CHRM5: variants seen among roughly 807,000 people sequenced by gnomAD.
CHRM5 encodes the protein cholinergic receptor muscarinic 5.
A neutral mutation model predicts 39.0 loss-of-function variants in CHRM5; 18 were observed. The observed-to-expected ratio is 0.46, with a 90% CI of 0.32 to 0.68. The LOEUF is 0.68. CHRM5 is among the 30% of genes least tolerant of loss of function. CHRM5 has a pLI of 0.04. For synonymous variants in CHRM5, 241 were observed against 246.3 expected, an observed-to-expected ratio of 0.98 and a Z score of 0.20; for missense variants, 515 against 651.1, an observed-to-expected ratio of 0.79 and a Z score of 2.28.
intron 1 of CHRM5, among the ~76,000 whole-genome samples, chr15:33,975,376 C>G (rs140819326): frequency 6.6e-6 from 1 of 152,328 alleles, no homozygotes; most frequent in Non-Finnish European, 1.5e-5. Context: ...AACAGTGCTA[C>G]TTAGCTATGC....
chr15:34,004,081 C>A (rs894287232), intron 1 of CHRM5, among the ~76,000 whole-genome samples: 12 of 152,026 alleles, frequency 7.9e-5, no homozygotes, highest in African/African-American at 2.9e-4. Context: ...GTTCAGGTAG[C>A]GTCTGTGTGA....
At chr15:34,047,614 T>TA (rs1392539250) in intron 2 of CHRM5, among the ~76,000 whole-genome samples, 1 of 151,416 alleles carries the variant, frequency 6.6e-6, no homozygotes, top group African/African-American at 2.4e-5. Context: ...GGATGACTGT[T>TA]ACCTCTGTGG....
At chr15:34,047,164 G>A (rs1276329476) in intron 2 of CHRM5, among the ~76,000 whole-genome samples, 2 of 150,704 alleles carry the variant, frequency 1.3e-5, no homozygotes, top group African/African-American at 2.5e-5. Flanking sequence ...TGCAAGCTCC[G>A]CCTCCCGGGT....
At chr15:33,986,608 C>A (rs1896481506) in intron 1 of CHRM5, among the ~76,000 whole-genome samples, 1 of 152,000 alleles carries the variant, frequency 6.6e-6, no homozygotes, top group South Asian at 2.1e-4. Flanking sequence ...CCTTCATGTG[C>A]AATACACAGG....
rs1249831237 is a variant in CHRM5, at chr15:34,066,212, GC to G, written c.*1897del. 1 of 152,256 alleles carries G rather than the reference GC, an allele frequency of 6.6e-6. No homozygotes were observed. Among genetic ancestry groups the G allele is most frequent in the Non-Finnish European group, 1.5e-5 (1 of 68,046 alleles). 9.4% of individuals were successfully genotyped at this position (152,256 alleles called of 1,614,324 possible). ...ATTGGCTCAGTTCTCCAGCACAGAG[GC>G]TTTCGGGCCTCCGTGATGCCAACTG... On this transcript the variant is annotated 3_prime_UTR_variant, in exon 3 of 3. Transcript: ENST00000383263.
rs576506369 is a variant in CHRM5 at position 34,045,180 on chromosome 15, C to T, written c.-407-1360C>T. Among the ~76,000 whole-genome samples the T allele has an allele frequency of 3.3e-5, 5 of 152,308 alleles. No individual in the cohort carries two copies. In the South Asian group the frequency reaches 1.0e-3, roughly 32 times the overall value. On this transcript the variant is annotated intron_variant, in intron 1 of 2. Transcript: ENST00000383263. The stretch of plus-strand genomic sequence containing the variant: ...TTTTTCTTAGAGCTATAAAGATGAA[C>T]TCTTTCAGTTCAAGGACTATCGTAT...
intron 2 of CHRM5, among the ~76,000 whole-genome samples, chr15:34,048,700 GCAGC>G (rs1475183406): frequency 2.0e-5 from 3 of 152,146 alleles, no homozygotes; most frequent in Non-Finnish European, 4.4e-5. Flanking sequence ...CTACCAAAAA[GCAGC>G]CAGACTGCTT....
At chr15:34,051,411 C>T (rs1899920618) in intron 2 of CHRM5, among the ~76,000 whole-genome samples, 1 of 152,030 alleles carries the variant, frequency 6.6e-6, no homozygotes, top group Non-Finnish European at 1.5e-5. Flanking sequence ...AGTTAAAAAC[C>T]TAACATCACA....
Position 34,030,028 on chromosome 15 carries a change from C to T in CHRM5, c.-407-16512C>T, listed in dbSNP as rs940583875. 7.2e-5 allele frequency among the ~76,000 whole-genome samples: 11 copies of T among 152,024 alleles called. 1 individual carries two copies. Among genetic ancestry groups the T allele is most frequent in the Admixed American group, 5.9e-4 (9 of 15,284 alleles). On this transcript the variant is annotated intron_variant, in intron 1 of 2. Transcript: ENST00000383263. ...CAGCACTTTGGGAGGCCGAGGCAGGCGGATCACTTGAGGTCAGGAGTTCGA... is the reference window on the plus strand; with the variant it reads ...CAGCACTTTGGGAGGCCGAGGCAGGTGGATCACTTGAGGTCAGGAGTTCGA...
chr15:34,001,397 C>T (rs1308988447), intron 1 of CHRM5, among the ~76,000 whole-genome samples: 2 of 152,162 alleles, frequency 1.3e-5, no homozygotes, highest in East Asian at 3.8e-4. Flanking sequence ...ACTGACTACA[C>T]AACTGATTGA....
intron 1 of CHRM5, among the ~76,000 whole-genome samples, chr15:33,983,223 T>TATATAC (rs1175801204): frequency 2.7e-5 from 3 of 110,656 alleles, no homozygotes; most frequent in African/African-American, 8.2e-5. Context: ...TACATATATA[T>TATATAC]ACACACACAT....
intron 1 of CHRM5, among the ~76,000 whole-genome samples, chr15:33,983,212 A>ACACACGTG (rs780265090): frequency 9.8e-5 from 4 of 40,956 alleles, no homozygotes; most frequent in African/African-American, 1.3e-4. Flanking sequence ...ATATATATAT[A>ACACACGTG]TACATATATA....
At chr15:34,021,006 C>CA (rs1259480634) in intron 1 of CHRM5, among the ~76,000 whole-genome samples, 1 of 152,198 alleles carries the variant, frequency 6.6e-6, no homozygotes, top group Non-Finnish European at 1.5e-5. Context: ...TCTTTTTCTG[C>CA]ATATACACTT....
chr15:34,014,722 C>T (rs946398004), intron 1 of CHRM5, among the ~76,000 whole-genome samples: 3 of 152,074 alleles, frequency 2.0e-5, no homozygotes, highest in South Asian at 2.1e-4. Flanking sequence ...CTGGGAACAG[C>T]GGCTAAATAT....
chr15:33,973,317 G>T (rs1895720701), intron 1 of CHRM5, among the ~76,000 whole-genome samples: 1 of 152,080 alleles, frequency 6.6e-6, no homozygotes, highest in South Asian at 2.1e-4. Flanking sequence ...GAATTTTTTG[G>T]TACAGTAACC....
At chr15:34,036,162 C>T (rs1377679965) in intron 1 of CHRM5, among the ~76,000 whole-genome samples, 2 of 151,848 alleles carry the variant, frequency 1.3e-5, no homozygotes, top group African/African-American at 2.4e-5. Context: ...GTGAGTATTC[C>T]GTGAAGATAA....
rs560918628 is a variant in CHRM5 at position 33,988,103 on chromosome 15, C to T, written c.-408+18953C>T. Among the ~76,000 whole-genome samples the T allele has an allele frequency of 3.9e-5, 6 of 152,350 alleles. 1 individual carries two copies. In the South Asian group the frequency reaches 1.2e-3, roughly 32 times the overall value. Reference sequence around the variant, plus strand: ...AAGCCTTGGGGCTTCTGTCCAGGTGCCTGCCTCCAGCCCAAAGGCAGCTTC... The same window carrying T: ...AAGCCTTGGGGCTTCTGTCCAGGTGTCTGCCTCCAGCCCAAAGGCAGCTTC... On this transcript the variant is annotated intron_variant, in intron 1 of 2. Coordinates refer to ENST00000383263, the MANE Select transcript of CHRM5 (RefSeq NM_012125.4).
intron 2 of CHRM5, among the ~76,000 whole-genome samples, chr15:34,049,888 C>CTTTTTT (rs61235689): frequency 7.3e-6 from 1 of 137,100 alleles, no homozygotes; most frequent in African/African-American, 2.7e-5. Flanking sequence ...TCAACATCAA[C>CTTTTTT]TTTTTTTTTT....
chr15:34,008,246 C>A (rs1897451341), intron 1 of CHRM5, among the ~76,000 whole-genome samples: 2 of 151,772 alleles, frequency 1.3e-5, no homozygotes, highest in South Asian at 4.2e-4. Context: ...CATAGCAAGA[C>A]CCTATCTCCA....
Sources: gnomAD v4.1 joint callset for allele counts (sites outside exome capture counted in the v4.1 genomes callset) on GRCh38, gnomAD v4.1.1 for gene constraint, MANE v1.5 for transcripts, NCBI Gene and HGNC (gene_info 2026-07-23, HGNC 2026-07-21) for gene names.